WDFY4: variants seen among roughly 807,000 people sequenced by gnomAD.
WDFY4 encodes WDFY family member 4.
In WDFY4, 169 loss-of-function variants were observed where a neutral mutation model predicts 351.9. The ratio of observed to expected loss-of-function variants is 0.48; its 90% CI spans 0.42 to 0.55. The LOEUF is 0.55. WDFY4 is among the 20% of genes least tolerant of loss of function. The pLI, the probability that WDFY4 is intolerant of heterozygous loss-of-function variation, is 0.00. For synonymous variants in WDFY4, 1,622 were observed against 1,574.6 expected, an observed-to-expected ratio of 1.03 and a Z score of -0.71; for missense variants, 3,803 against 3,935.6, an observed-to-expected ratio of 0.97 and a Z score of 0.90.
At chr10:48,855,212 G>A (rs1041308754) in intron 39 of WDFY4, among the ~76,000 whole-genome samples, 6 of 152,144 alleles carry the variant, frequency 3.9e-5, no homozygotes, top group South Asian at 2.1e-4. Flanking sequence ...TAGGGAAAAA[G>A]TGGATCATAA....
In WDFY4 at chr10:48,826,832, T is replaced by A. The variant is rs1048512614; in HGVS notation, c.6144T>A (p.Val2048=). 22 of 1,551,778 alleles carry A rather than the reference T, an allele frequency of 1.4e-5. No individual in the cohort carries two copies. The African/African-American group carries it at 2.6e-4, about 18-fold the overall frequency. ...GCTTTCTGCAGGAGCACTGGGATGT[T>A]GTCTTTGCCACCTACAATTCCAACA... The part of the protein sequence containing the change: ...ILGFLQEHWD[V]VFATYNSNIS... Residue 2048 remains valine, a synonymous_variant, in exon 36 of 62, where the codon GTT becomes GTA. Transcript: ENST00000325239.
At chr10:48,789,620 G>A (rs893071082) in intron 21 of WDFY4, among the ~76,000 whole-genome samples, 4 of 152,238 alleles carry the variant, frequency 2.6e-5, no homozygotes, top group Admixed American at 1.3e-4. Context: ...GAGCACGTGG[G>A]ACACTGGTGG....
rs568680217 is a variant in WDFY4, at chr10:48,982,005, C to T, written c.9489-504C>T. 3.5e-4 allele frequency among the ~76,000 whole-genome samples: 53 copies of T among 152,294 alleles called. No homozygotes were observed. In the Middle Eastern group the frequency reaches 0.01, roughly 29 times the overall value. On this transcript the variant is annotated intron_variant, in intron 61 of 61. Transcript: ENST00000325239. Reference sequence around the variant, plus strand: ...CACTGCGAGGTGCAGCCTTAGGGGCCGCTGACCTTGCAGAGCCGGACTTCC... The same window carrying T: ...CACTGCGAGGTGCAGCCTTAGGGGCTGCTGACCTTGCAGAGCCGGACTTCC...
intron 43 of WDFY4, among the ~76,000 whole-genome samples, chr10:48,885,003 G>A (rs2070398442): frequency 6.6e-6 from 1 of 152,050 alleles, no homozygotes; most frequent in South Asian, 2.1e-4. Flanking sequence ...ATATGTACCT[G>A]TTAAATAAAT....
intron 47 of WDFY4, chr10:48,910,290 T>C (rs1837883310): frequency 6.5e-7 from 1 of 1,544,780 alleles, no homozygotes; most frequent in Non-Finnish European, 8.8e-7. Flanking sequence ...GGTGAGGCAA[T>C]TGCTCCAGGC....
At chr10:48,781,278 A>ATG (rs577155140) in intron 19 of WDFY4, among the ~76,000 whole-genome samples, 159 of 150,400 alleles carry the variant, frequency 1.1e-3, no homozygotes, top group African/African-American at 3.3e-3. Flanking sequence ...ATATATATAT[A>ATG]TGTGTGTGTG....
intron 24 of WDFY4, among the ~76,000 whole-genome samples, chr10:48,802,316 C>T (rs1252657983): frequency 2.0e-5 from 3 of 152,158 alleles, no homozygotes; most frequent in Non-Finnish European, 4.4e-5. Flanking sequence ...GTCAAGGCTG[C>T]AGTGAGTCAT....
At position 48,786,479 on chromosome 10, in the gene WDFY4, C is replaced by A. The variant is rs547721358; in HGVS notation, c.3577-160C>A. Among the ~76,000 whole-genome samples the A allele has an allele frequency of 4.0e-5, 6 of 151,880 alleles. No homozygotes were observed. The South Asian group carries it at 1.2e-3, about 32-fold the overall frequency. ...ACTCCACATTTAATAACTTGTTTTG[C>A]GCATACTTCTGAGATTTGAGAATTA... is the stretch of plus-strand genomic sequence containing the variant. On this transcript the variant is annotated intron_variant, in intron 19 of 61. Coordinates refer to ENST00000325239, the MANE Select transcript of WDFY4 (RefSeq NM_001394531.1).
intron 12 of WDFY4, among the ~76,000 whole-genome samples, chr10:48,753,933 T>C (rs1339466831): frequency 6.6e-6 from 1 of 152,202 alleles, no homozygotes; most frequent in African/African-American, 2.4e-5. Context: ...GTTGAGGAAG[T>C]TTACTATCTA....
intron 58 of WDFY4, 142 bp from the exon 59 acceptor site, chr10:48,976,655 G>A (rs1289829111): frequency 4.5e-6 from 3 of 666,892 alleles, no homozygotes; most frequent in Non-Finnish European, 6.5e-6. Context: ...AAGTCAGCTG[G>A]AAAGAAGTTT....
intron 38 of WDFY4, 56 bp downstream of exon 38, chr10:48,830,941 C>A: frequency 4.0e-6 from 6 of 1,510,822 alleles, no homozygotes; most frequent in Non-Finnish European, 5.3e-6. Flanking sequence ...CAGAGCCAGA[C>A]TCCCGCAAGG....
At chr10:48,696,296 C>G (rs2063328309) in intron 1 of WDFY4, among the ~76,000 whole-genome samples, 2 of 152,218 alleles carry the variant, frequency 1.3e-5, no homozygotes, top group South Asian at 4.1e-4. Flanking sequence ...TGAGGAGGTG[C>G]TGGCCATGCA....
intron 12 of WDFY4, among the ~76,000 whole-genome samples, chr10:48,748,904 T>A (rs1196432868): frequency 2.0e-5 from 3 of 152,158 alleles, no homozygotes; most frequent in Admixed American, 1.3e-4. Flanking sequence ...AGGTCCCAAG[T>A]CTCCAGGGAG....
At chr10:48,805,974 G>T in intron 26 of WDFY4, 30 bp from the exon 27 acceptor site, 1 of 1,549,278 alleles carries the variant, frequency 6.5e-7, no homozygotes, top group South Asian at 1.2e-5. Flanking sequence ...GCCCGCCTGC[G>T]AGCCTGTCCT....
intron 10 of WDFY4, 117 bp from the exon 11 acceptor site, chr10:48,735,763 A>G: frequency 9.0e-7 from 1 of 1,107,378 alleles, no homozygotes; most frequent in Admixed American, 2.8e-5. Flanking sequence ...GCAAAAGAGA[A>G]ACAAAAAATA....
rs559871552 is a variant in WDFY4, at chr10:48,831,513, A to G, written c.6526+628A>G. Among the ~76,000 whole-genome samples, 5 of 152,302 alleles carry G rather than the reference A, an allele frequency of 3.3e-5. No homozygotes were observed. The South Asian group carries it at 6.2e-4, about 19-fold the overall frequency. On this transcript the variant is annotated intron_variant, in intron 38 of 61. Transcript: ENST00000325239. ...ATCACAAAATGTGCAGTGATTCAAG[A>G]GTTAGTTATTTCCATGTATATTGTC... is the stretch of plus-strand genomic sequence containing the variant.
chr10:48,763,331 A>T (rs553018138), intron 13 of WDFY4, among the ~76,000 whole-genome samples: 2 of 152,372 alleles, frequency 1.3e-5, no homozygotes, highest in East Asian at 3.9e-4. Context: ...GATGTGTTGG[A>T]TCTTTGCAGC....
chr10:48,910,272 C>T (rs1285413141), intron 47 of WDFY4: 1 of 1,611,508 alleles, frequency 6.2e-7, no homozygotes, highest in East Asian at 2.2e-5. Context: ...GGGATGGAGA[C>T]ACAAGAAGGT....
intron 39 of WDFY4, among the ~76,000 whole-genome samples, chr10:48,860,279 T>A (rs2069288526): frequency 6.6e-6 from 1 of 152,234 alleles, no homozygotes; most frequent in African/African-American, 2.4e-5. Flanking sequence ...AGAATTTGTC[T>A]TATCAGCTCA....
Sources: allele counts gnomAD v4.1 joint callset (sites outside exome capture counted in the v4.1 genomes callset), GRCh38; gene constraint gnomAD v4.1.1; transcripts MANE v1.5; gene names NCBI Gene and HGNC (gene_info 2026-07-23, HGNC 2026-07-21).